Variants in PITHD1 observed in about 807,000 individuals in gnomAD.
PITHD1 encodes PITH domain-containing protein 1.
Under a neutral mutation model 27.5 loss-of-function variants are expected in PITHD1, and 8 were observed. The observed-to-expected ratio is 0.29, with a 90% CI of 0.17 to 0.52. The LOEUF is 0.52. PITHD1 is among the 20% of genes least tolerant of loss of function. The probability of loss-of-function intolerance (pLI) is 0.96; values close to 1 mark genes in which losing one functional copy is unlikely to be tolerated. For synonymous variants in PITHD1, 118 were observed against 106.8 expected, an observed-to-expected ratio of 1.10 and a Z score of -0.64; for missense variants, 233 against 283.9, an observed-to-expected ratio of 0.82 and a Z score of 1.29.
chr1:23,785,651 C>G (rs771857178), intron 3 of PITHD1, 24 bp from the exon 4 acceptor site: 1 of 1,467,716 alleles, frequency 6.8e-7, no homozygotes, highest in African/African-American at 1.4e-5. Flanking sequence ...CATTTCTTGA[C>G]TTTTCTTTCC....
intron 3 of PITHD1, among the ~76,000 whole-genome samples, chr1:23,784,794 G>A (rs1209194550): frequency 6.6e-6 from 1 of 152,044 alleles, no homozygotes; most frequent in Non-Finnish European, 1.5e-5. Flanking sequence ...TTGGCTCATT[G>A]CACCCTCTCT....
chr1:23,787,883 C>T lies in PITHD1; in HGVS notation c.*507C>T, dbSNP rs1638709109. The T allele has an allele frequency of 1.3e-5, 2 of 152,712 alleles. No homozygotes were observed. The highest frequency in any genetic ancestry group is 4.8e-5 in the African/African-American group (2 of 41,426). 9.5% of individuals were successfully genotyped at this position (152,712 alleles called of 1,614,324 possible). On this transcript the variant is annotated 3_prime_UTR_variant, in exon 6 of 6. Coordinates refer to ENST00000246151, the MANE Select transcript of PITHD1 (RefSeq NM_020362.5). Reference sequence around the variant, plus strand: ...CCCTCTCATTGTTCAGCATTCTTGTCAAGTTGCCCAGCTTGGAGTTGTCTG... The same window carrying T: ...CCCTCTCATTGTTCAGCATTCTTGTTAAGTTGCCCAGCTTGGAGTTGTCTG...
chr1:23,778,436 G>T lies in PITHD1; in HGVS notation c.-80G>T. On this transcript the variant is annotated 5_prime_UTR_variant, in exon 1 of 6. Transcript: ENST00000246151. Reference sequence around the variant, plus strand: ...CGCGCTTAGTTGCCGGAGCTGAACGGCGCGGAGCTGGTCTGAGGCGAGCCG... The same window carrying T: ...CGCGCTTAGTTGCCGGAGCTGAACGTCGCGGAGCTGGTCTGAGGCGAGCCG... 1 of 1,016,584 alleles carries T rather than the reference G, an allele frequency of 9.8e-7. No individual in the cohort carries two copies. The highest frequency in any genetic ancestry group is 1.3e-6 in the Non-Finnish European group (1 of 787,770). 63.0% of individuals were successfully genotyped at this position (1,016,584 alleles called of 1,614,324 possible). A position where few individuals can be genotyped will look rare whatever the true frequency, so the allele number is the denominator to read the frequency against.
At chr1:23,779,980 ATTCTCT>A in intron 3 of PITHD1, 39 bp downstream of exon 3, 1 of 1,272,744 alleles carries the variant, frequency 7.9e-7, no homozygotes, top group Non-Finnish European at 1.1e-6. Context: ...GGAGCTCCTA[ATTCTCT>A]TTTTCTGGTA....
In PITHD1 at chr1:23,785,785, C is replaced by T. The variant is rs745387215; in HGVS notation, c.425+6C>T. Reference sequence around the variant, plus strand: ...GAATTAGAGTATGCTACAAAGTAAGCACTGGGCCTGTCTTCCATTCTCTAT... The same window carrying T: ...GAATTAGAGTATGCTACAAAGTAAGTACTGGGCCTGTCTTCCATTCTCTAT... On this transcript the variant is annotated splice_donor_region_variant and intron_variant, in intron 4 of 5. Coordinates refer to ENST00000246151, the MANE Select transcript of PITHD1 (RefSeq NM_020362.5). 2 of 1,499,280 alleles carry T rather than the reference C, an allele frequency of 1.3e-6. No homozygotes were observed. Among genetic ancestry groups the T allele is most frequent in the Admixed American group, 1.7e-5 (1 of 59,814 alleles). 92.9% of individuals were successfully genotyped at this position (1,499,280 alleles called of 1,614,324 possible).
chr1:23,784,134 C>T (rs1363783962), intron 3 of PITHD1, among the ~76,000 whole-genome samples: 3 of 151,774 alleles, frequency 2.0e-5, no homozygotes, highest in Non-Finnish European at 4.4e-5. Context: ...TTAACTACAG[C>T]GCTATACTGC....
At position 23,781,021 on chromosome 1, in the gene PITHD1, C is replaced by G. The variant is rs1638588785; in HGVS notation, c.320+1080C>G. ...TGACCAAGATGCTGAAACCCCGTCTCTACTAAAAATACAAAAATTAGCCGG... is the reference window on the plus strand; with the variant it reads ...TGACCAAGATGCTGAAACCCCGTCTGTACTAAAAATACAAAAATTAGCCGG... On this transcript the variant is annotated intron_variant, in intron 3 of 5. Coordinates refer to ENST00000246151, the MANE Select transcript of PITHD1 (RefSeq NM_020362.5). Among the ~76,000 whole-genome samples the G allele has an allele frequency of 3.3e-5, 5 of 152,022 alleles. No individual in the cohort carries two copies. The South Asian group carries it at 1.0e-3, about 32-fold the overall frequency.
Position 23,778,581 on chromosome 1 carries a change from C to A in PITHD1, c.66C>A (p.Pro22=). 1 of 1,341,246 alleles carries A rather than the reference C, an allele frequency of 7.5e-7. No homozygotes were observed. The highest frequency in any genetic ancestry group is 9.5e-7 in the Non-Finnish European group (1 of 1,049,278). 83.1% of individuals were successfully genotyped at this position (1,341,246 alleles called of 1,614,324 possible). Residue 22 remains proline, a synonymous_variant, in exon 1 of 6, where the codon CCC becomes CCA. Coordinates refer to ENST00000246151, the MANE Select transcript of PITHD1 (RefSeq NM_020362.5). ...GCGCCGCCGAACGGGAGGAGCCGCC[C>A]GAGCAGCGCGGCCTGGCCTACGGCC... ...CRCAAEREEP[P]EQRGLAYGLY...
At chr1:23,779,320 A>G (rs1322778839) in intron 1 of PITHD1, 118 bp from the exon 2 acceptor site, 4 of 789,982 alleles carry the variant, frequency 5.1e-6, no homozygotes, top group Non-Finnish European at 8.7e-6. Flanking sequence ...TGGAAAACCA[A>G]GGGAGAGTGA....
rs377019668 is a variant in PITHD1, at chr1:23,779,803, C to G, written c.243-61C>G. 3 of 1,254,420 alleles carry G rather than the reference C, an allele frequency of 2.4e-6. No individual in the cohort carries two copies. In the African/African-American group the frequency reaches 4.4e-5, roughly 18 times the overall value. The allele number at this position is 1,254,420 out of a possible 1,614,324, so 77.7% of individuals were successfully genotyped here. ...ACAGGGGAAGGGTCTTGCCCAGGGT[C>G]ACACAACTAAACAGGTATTCAAACT... On this transcript the variant is annotated intron_variant, in intron 2 of 5. Coordinates refer to ENST00000246151, the MANE Select transcript of PITHD1 (RefSeq NM_020362.5).
chr1:23,787,395 A>G lies in PITHD1; in HGVS notation c.*19A>G, dbSNP rs975352400. ...TTCCTAAGGGCTGGCCAAGGCTCCC[A>G]TAGAGGCGCTGTGTCAGTGAAGATG... On this transcript the variant is annotated 3_prime_UTR_variant, in exon 6 of 6. Coordinates refer to ENST00000246151, the MANE Select transcript of PITHD1 (RefSeq NM_020362.5). 27 of 1,347,046 alleles carry G rather than the reference A, an allele frequency of 2.0e-5. No individual in the cohort carries two copies. The highest frequency in any genetic ancestry group is 2.8e-5 in the Non-Finnish European group (26 of 938,646). The allele number at this position is 1,347,046 out of a possible 1,614,324, so 83.4% of individuals were successfully genotyped here.
intron 4 of PITHD1, 48 bp from the exon 5 acceptor site, chr1:23,786,267 A>G (rs1438449666): frequency 1.2e-6 from 1 of 839,104 alleles, no homozygotes; most frequent in Non-Finnish European, 2.0e-6. Context: ...TGAGATACTC[A>G]TTGAACTATA....
intron 2 of PITHD1, 122 bp from the exon 3 acceptor site, chr1:23,779,742 T>C: frequency 1.3e-6 from 1 of 747,536 alleles, no homozygotes; most frequent in South Asian, 1.5e-5. Context: ...AGAAATTATC[T>C]AGTACAAGTT....
chr1:23,786,654 A>C (rs969103894), intron 5 of PITHD1, among the ~76,000 whole-genome samples: 7 of 149,232 alleles, frequency 4.7e-5, no homozygotes, highest in African/African-American at 9.8e-5. Flanking sequence ...ATATATATAT[A>C]TCTCAGCTCA....
Position 23,787,118 on chromosome 1 carries a change from G to T in PITHD1, c.535-157G>T, listed in dbSNP as rs921714960. The T allele has an allele frequency of 2.6e-5, 4 of 153,202 alleles. No individual in the cohort carries two copies. The East Asian group carries it at 7.7e-4, about 29-fold the overall frequency. 9.5% of individuals were successfully genotyped at this position (153,202 alleles called of 1,614,324 possible). On this transcript the variant is annotated intron_variant, in intron 5 of 5. Transcript: ENST00000246151. Reference sequence around the variant, plus strand: ...TCTGGAGTTAAAAAGTATCAAAATTGGGAGATATTAGATGATGACATCTAA... The same window carrying T: ...TCTGGAGTTAAAAAGTATCAAAATTTGGAGATATTAGATGATGACATCTAA...
At chr1:23,785,621 A>G in intron 3 of PITHD1, 54 bp from the exon 4 acceptor site, 1 of 1,158,892 alleles carries the variant, frequency 8.6e-7, no homozygotes. Flanking sequence ...AATTTTGAAA[A>G]CCTGAAACGT....
intron 3 of PITHD1, among the ~76,000 whole-genome samples, chr1:23,784,413 TG>T: frequency 6.6e-6 from 1 of 151,886 alleles, no homozygotes; most frequent in Non-Finnish European, 1.5e-5. Flanking sequence ...GCTAATTTTT[TG>T]TATTTTTAGT....
rs146442511 is a variant in PITHD1, at chr1:23,786,306, A to G, written c.426-9A>G. The G allele has an allele frequency of 2.4e-4, 311 of 1,283,054 alleles. No individual in the cohort carries two copies. Among genetic ancestry groups the G allele is most frequent in the Middle Eastern group, 5.6e-4 (3 of 5,314 alleles). The allele number at this position is 1,283,054 out of a possible 1,614,324, so 79.5% of individuals were successfully genotyped here. On this transcript the variant is annotated splice_polypyrimidine_tract_variant and intron_variant, in intron 4 of 5. Transcript: ENST00000246151. Reference sequence around the variant, plus strand: ...CATACCTTCTTTCCCTATTCCTGTCATCCTCTAGAATTTCTCGTTTTTCAA... The same window carrying G: ...CATACCTTCTTTCCCTATTCCTGTCGTCCTCTAGAATTTCTCGTTTTTCAA...
chr1:23,783,227 G>C (rs1465985609), intron 3 of PITHD1, among the ~76,000 whole-genome samples: 1 of 151,290 alleles, frequency 6.6e-6, no homozygotes, highest in Non-Finnish European at 1.5e-5. Flanking sequence ...TCGATCTCCT[G>C]ACCTTGTGAT....
Sources: gnomAD v4.1 joint callset for allele counts (sites outside exome capture counted in the v4.1 genomes callset) on GRCh38, gnomAD v4.1.1 for gene constraint, MANE v1.5 for transcripts, NCBI Gene and HGNC (gene_info 2026-07-23, HGNC 2026-07-21) for gene names.